TMCC1: variants seen among roughly 807,000 people sequenced by gnomAD.
TMCC1 encodes the protein transmembrane and coiled-coil domain family 1, also known as transmembrane and coiled-coil domains protein 1.
TMCC1 carries 15 observed loss-of-function variants against 52.4 expected under a neutral mutation model. The observed-to-expected ratio is 0.29, with a 90% CI of 0.19 to 0.44. TMCC1 has a LOEUF of 0.44. TMCC1 is among the 20% of genes least tolerant of loss of function. TMCC1 has a pLI of 1.00. For missense variants in TMCC1, 503 were observed against 806.0 expected (o/e 0.62, Z 4.55); for synonymous variants, 279 against 301.9 (o/e 0.92, Z 0.79).
intron 4 of TMCC1, among the ~76,000 whole-genome samples, chr3:129,729,330 T>C (rs6806869): frequency 0.093 from 14,202 of 152,238 alleles, 751 homozygotes; most frequent in Middle Eastern, 0.16. Flanking sequence ...TATCTTTTTA[T>C]GTATTTAGTT....
chr3:129,679,069 G>A (rs890236208), intron 4 of TMCC1, among the ~76,000 whole-genome samples: 4 of 152,090 alleles, frequency 2.6e-5, no homozygotes, highest in Non-Finnish European at 5.9e-5. Context: ...CATAAACTCC[G>A]TGACTTCATC....
At chr3:129,796,977 A>G (rs188077760) in intron 4 of TMCC1, among the ~76,000 whole-genome samples, 4 of 152,364 alleles carry the variant, frequency 2.6e-5, no homozygotes, top group Admixed American at 2.6e-4. Context: ...TGCTCGTATC[A>G]TATACTACCA....
chr3:129,698,896 G>T (rs546978550), intron 4 of TMCC1, among the ~76,000 whole-genome samples: 71 of 152,098 alleles, frequency 4.7e-4, no homozygotes, highest in African/African-American at 1.7e-3. Flanking sequence ...TTTAATATAA[G>T]CAATCAACTT....
intron 1 of TMCC1, among the ~76,000 whole-genome samples, chr3:129,890,119 T>G (rs563843313): frequency 6.6e-6 from 1 of 152,112 alleles, no homozygotes; most frequent in African/African-American, 2.4e-5. Context: ...TCTCTCTCCA[T>G]AATATCTTTA....
At chr3:129,763,379 C>T (rs893107663) in intron 4 of TMCC1, among the ~76,000 whole-genome samples, 3 of 147,966 alleles carry the variant, frequency 2.0e-5, no homozygotes, top group Non-Finnish European at 3.0e-5. Context: ...CCTGTCTCTA[C>T]TAAAAAAATA....
intron 2 of TMCC1, among the ~76,000 whole-genome samples, chr3:129,875,904 C>T (rs112865076): frequency 0.056 from 8,506 of 152,220 alleles, 338 homozygotes; most frequent in Middle Eastern, 0.15. Flanking sequence ...GAGGCCAAGG[C>T]GGGCGGATCA....
chr3:129,671,619 A>G (rs2087949719), intron 4 of TMCC1, among the ~76,000 whole-genome samples: 1 of 152,238 alleles, frequency 6.6e-6, no homozygotes, highest in Non-Finnish European at 1.5e-5. Context: ...AAGAACATCT[A>G]TGTAAAACAA....
chr3:129,734,519 C>T (rs1239288236), intron 4 of TMCC1, among the ~76,000 whole-genome samples: 2 of 152,070 alleles, frequency 1.3e-5, no homozygotes, highest in African/African-American at 4.8e-5. Context: ...AACCCCGTCA[C>T]TACAAACAAT....
chr3:129,760,591 C>A (rs1486515072), intron 4 of TMCC1, among the ~76,000 whole-genome samples: 1 of 151,920 alleles, frequency 6.6e-6, no homozygotes, highest in East Asian at 1.9e-4. Flanking sequence ...CATTCTCCTG[C>A]CTCAGCCTCC....
At chr3:129,817,662 T>G (rs887936853) in intron 4 of TMCC1, among the ~76,000 whole-genome samples, 63 of 152,220 alleles carry the variant, frequency 4.1e-4, no homozygotes, top group Admixed American at 3.2e-3. Flanking sequence ...TTTTTTTTCT[T>G]TTTTAGATGG....
At chr3:129,800,925 A>ATTTTT (rs11394617) in intron 4 of TMCC1, among the ~76,000 whole-genome samples, 101 of 117,934 alleles carry the variant, frequency 8.6e-4, no homozygotes, top group Non-Finnish European at 1.3e-3. Context: ...ATCTCACACT[A>ATTTTT]TTTTTTTTTT....
intron 4 of TMCC1, among the ~76,000 whole-genome samples, chr3:129,698,109 T>C (rs897255697): frequency 4.6e-5 from 7 of 152,168 alleles, no homozygotes; most frequent in African/African-American, 7.2e-5. Flanking sequence ...CAATTTACTA[T>C]ATTAGTCAAT....
intron 1 of TMCC1, among the ~76,000 whole-genome samples, chr3:129,883,653 T>C (rs112121441): frequency 0.017 from 2,556 of 152,318 alleles, 28 homozygotes; most frequent in Non-Finnish European, 0.024. Context: ...TGGTAAATTT[T>C]TAATTATATG....
At chr3:129,863,588 G>A (rs1036747561) in intron 2 of TMCC1, among the ~76,000 whole-genome samples, 5 of 152,144 alleles carry the variant, frequency 3.3e-5, no homozygotes, top group Non-Finnish European at 5.9e-5. Flanking sequence ...GAGGCCAGGC[G>A]CAGTGGCTCA....
At chr3:129,743,099 T>C (rs1410877997) in intron 4 of TMCC1, among the ~76,000 whole-genome samples, 2 of 152,180 alleles carry the variant, frequency 1.3e-5, no homozygotes, top group African/African-American at 4.8e-5. Flanking sequence ...AAAAATGTTC[T>C]AAAATTGTAG....
chr3:129,765,137 C>CAAA (rs11434430), intron 4 of TMCC1, among the ~76,000 whole-genome samples: 35 of 147,906 alleles, frequency 2.4e-4, no homozygotes, highest in South Asian at 6.4e-4. Context: ...TTCAAATACT[C>CAAA]AAAAAAAAAC....
chr3:129,818,793 T>A (rs900565850), intron 4 of TMCC1: 1 of 152,168 alleles, frequency 6.6e-6, no homozygotes, highest in African/African-American at 2.4e-5. Flanking sequence ...CTGAAGAATA[T>A]GGCTATACAT....
chr3:129,736,816 G>A (rs1017792003), intron 4 of TMCC1, among the ~76,000 whole-genome samples: 5 of 151,738 alleles, frequency 3.3e-5, no homozygotes, highest in South Asian at 4.2e-4. Context: ...CACTGCGCCC[G>A]GCCGCAATTA....
chr3:129,789,729 C>T (rs1171516677), intron 4 of TMCC1, among the ~76,000 whole-genome samples: 1 of 152,192 alleles, frequency 6.6e-6, no homozygotes, highest in African/African-American at 2.4e-5. Flanking sequence ...ATCTACCCAC[C>T]TCGGCCTCCC....
Sources: allele counts gnomAD v4.1 joint callset (sites outside exome capture counted in the v4.1 genomes callset), GRCh38; gene constraint gnomAD v4.1.1; transcripts MANE v1.5; gene names NCBI Gene and HGNC (gene_info 2026-07-23, HGNC 2026-07-21).